The following WNK4 variants were observed in gnomAD, a reference collection of about 807,000 sequenced individuals.
WNK4 encodes WNK lysine deficient protein kinase 4, also known as serine/threonine-protein kinase WNK4.
WNK4 carries 94 observed loss-of-function variants against 116.2 expected under a neutral mutation model. The observed-to-expected ratio is 0.81, with a 90% CI of 0.68 to 0.96. The LOEUF (loss-of-function observed/expected upper bound fraction) is 0.96, where lower values mean the gene tolerates loss of function less well. Among genes scored for constraint, WNK4 ranks in the 40% least tolerant of loss-of-function variants. The pLI is 0.00. For synonymous variants in WNK4, 655 were observed against 672.7 expected, an observed-to-expected ratio of 0.97 and a Z score of 0.41; for missense variants, 1,542 against 1,650.6, an observed-to-expected ratio of 0.93 and a Z score of 1.14.
intron 11 of WNK4, among the ~76,000 whole-genome samples, chr17:42,790,332 TGTAGGCCACCAAAGGAGAGTAGGAGA>T (rs1009234097): frequency 2.6e-5 from 4 of 152,124 alleles, no homozygotes; most frequent in Admixed American, 6.5e-5. Context: ...AAGGACAACT[TGTAGGCCACCAAAGGAGAGTAGGAGA>T]GTAGGCCACC....
In WNK4 at chr17:42,793,717, C is replaced by A; in HGVS notation, c.2283C>A (p.Thr761=). The change falls in exon 12 of 19, where the codon ACC becomes ACA. Residue 761 remains threonine (T), a synonymous_variant. Transcript: ENST00000246914. ...GCCCCATGGAGGCTGCTGAAGACAC[C>A]CTAAGCCCCCAGGTCAGACCCCTTG... ...DTGPMEAAED[T]LSPQEEPAPL... The A allele has an allele frequency of 6.2e-7, 1 of 1,614,080 alleles. No individual in the cohort carries two copies. The highest frequency in any genetic ancestry group is 8.5e-7 in the Non-Finnish European group (1 of 1,179,964).
In WNK4 at chr17:42,795,451, C is replaced by A. The variant is rs369213864; in HGVS notation, c.2962-10C>A. 1 of 1,614,194 alleles carries A rather than the reference C, an allele frequency of 6.2e-7. No individual in the cohort carries two copies. The highest frequency in any genetic ancestry group is 8.5e-7 in the Non-Finnish European group (1 of 1,180,038). On this transcript the variant is annotated splice_polypyrimidine_tract_variant and intron_variant, in intron 14 of 18. Coordinates refer to ENST00000246914, the MANE Select transcript of WNK4 (RefSeq NM_032387.5). ...GCACTCTTCCCTTCTCATGGCCCCC[C>A]ACTTTCTAGGCCTCACCACCTCCTG... is the stretch of plus-strand genomic sequence containing the variant.
At position 42,796,036 on chromosome 17, in the gene WNK4, G is replaced by A. The variant is rs2054666525; in HGVS notation, c.3431+3G>A. The A allele has an allele frequency of 1.2e-6, 2 of 1,614,010 alleles. No individual in the cohort carries two copies. Among genetic ancestry groups the A allele is most frequent in the Non-Finnish European group, 1.7e-6 (2 of 1,180,050 alleles). On this transcript the variant is annotated splice_donor_region_variant and intron_variant, in intron 16 of 18. Transcript: ENST00000246914. ...GAGCTGCAGAGTCTTCGGCAGAAGT[G>A]AGTCTCGGGAGGATGGAGGAGTGAG...
rs758458870 is a variant in WNK4 at position 42,795,902 on chromosome 17, C to T, written c.3300C>T (p.Pro1100=). 1.1e-5 allele frequency: 17 copies of T among 1,611,554 alleles called. No homozygotes were observed. The Admixed American group carries it at 2.7e-4, about 25-fold the overall frequency. ...AGGAACCCCAAGTTGGGGGCAGCCC[C>T]CAACCCCTGAGCCATCCCAGCCCAG... is the stretch of plus-strand genomic sequence containing the variant. ...DGKEPQVGGS[P]QPLSHPSPVW... is the part of the protein sequence containing the mutation. The change falls in exon 16 of 19, where the codon CCC becomes CCT. Residue 1100 remains proline, a synonymous_variant. Transcript: ENST00000246914.
chr17:42,788,658 C>T, intron 10 of WNK4, 23 bp from the exon 11 acceptor site: 3 of 1,589,942 alleles, frequency 1.9e-6, no homozygotes, highest in South Asian at 1.1e-5. Context: ...ACCTTCTCCC[C>T]TCTGCTGACT....
chr17:42,793,632 T>C lies in WNK4; in HGVS notation c.2198T>C (p.Phe733Ser), dbSNP rs1360652789. Residue 733 changes from phenylalanine to serine, a missense_variant, in exon 12 of 19, where the codon TTT becomes TCT. By Grantham distance (155) the Phe-to-Ser change is radical. Coordinates refer to ENST00000246914, the MANE Select transcript of WNK4 (RefSeq NM_032387.5). Reference sequence around the variant, plus strand: ...ATTCTGCCTTCGGAGCGAGATGGATTTCTCAGACGGATTCGGGAGATTATC... The same window carrying C: ...ATTCTGCCTTCGGAGCGAGATGGATCTCTCAGACGGATTCGGGAGATTATC... ...EFILPSERDG[F>S]LRRIREIIQR... 1.9e-6 allele frequency: 3 copies of C among 1,614,070 alleles called. No homozygotes were observed. The highest frequency in any genetic ancestry group is 2.5e-6 in the Non-Finnish European group (3 of 1,179,986).
chr17:42,783,023 C>A lies in WNK4; in HGVS notation c.791+93C>A. 4.0e-6 allele frequency: 6 copies of A among 1,510,402 alleles called. No individual in the cohort carries two copies. The South Asian group carries it at 6.0e-5, about 15-fold the overall frequency. 93.6% of individuals were successfully genotyped at this position (1,510,402 alleles called of 1,614,324 possible). A position where few individuals can be genotyped will look rare whatever the true frequency, so the allele number is the denominator to read the frequency against. On this transcript the variant is annotated intron_variant, in intron 2 of 18. Transcript: ENST00000246914. ...CCAGGCTCCTCAAACTCTCTAATATCCAGGTGTAAAACCAGGTTCACCATC... is the reference window on the plus strand; with the variant it reads ...CCAGGCTCCTCAAACTCTCTAATATACAGGTGTAAAACCAGGTTCACCATC...
chr17:42,790,344 AAGGAG>A (rs906425115), intron 11 of WNK4, among the ~76,000 whole-genome samples: 17 of 152,256 alleles, frequency 1.1e-4, no homozygotes, highest in African/African-American at 4.1e-4. Flanking sequence ...TAGGCCACCA[AAGGAG>A]AGTAGGAGAG....
In WNK4 at chr17:42,784,460, A is replaced by G. The variant is rs375379956; in HGVS notation, c.1051A>G (p.Lys351Glu). 6.2e-7 allele frequency: 1 copy of G among 1,613,746 alleles called. No individual in the cohort carries two copies. Among genetic ancestry groups the G allele is most frequent in the Admixed American group, 1.7e-5 (1 of 59,980 alleles). ...CATGGCCCCCGAGATGTACGAGGAA[A>G]AGTACGATGAGGCCGTGGACGTGTA... ...EFMAPEMYEE[K>E]YDEAVDVYAF... Residue 351 changes from lysine to glutamate, a missense_variant, in exon 4 of 19, where the codon AAG becomes GAG. Physicochemically the swap from Lys to Glu is moderately conservative, Grantham distance 56. This residue lies in a region of WNK4 where 808 missense variants were observed against 873.6 expected (regional missense o/e 0.92). Coordinates refer to ENST00000246914, the MANE Select transcript of WNK4 (RefSeq NM_032387.5). This position sits in a 1 kb window ranked among gnomAD's most constrained non-coding sequence, Gnocchi z 4.4.
At chr17:42,793,856 C>CTT (rs34930579) in intron 12 of WNK4, 127 bp downstream of exon 12, 4,943 of 940,856 alleles carry the variant, frequency 5.3e-3, no homozygotes, top group Non-Finnish European at 6.4e-3. Context: ...AACAGTGGCG[C>CTT]TTTTTTTTTT....
At chr17:42,794,748 G>T (rs2054643925) in intron 13 of WNK4, 24 bp from the exon 14 acceptor site, 1 of 1,613,768 alleles carries the variant, frequency 6.2e-7, no homozygotes, top group Non-Finnish European at 8.5e-7. Flanking sequence ...TGGGACTGTG[G>T]TCTCAACATA....
intron 17 of WNK4, 35 bp downstream of exon 17, chr17:42,796,357 C>G (rs2054672644): frequency 6.2e-7 from 1 of 1,609,356 alleles, no homozygotes; most frequent in Non-Finnish European, 8.5e-7. Flanking sequence ...CATCTTTTCC[C>G]TGAGACCCCT....
chr17:42,787,925 C>T, intron 8 of WNK4, 26 bp downstream of exon 8: 4 of 1,608,026 alleles, frequency 2.5e-6, no homozygotes, highest in Non-Finnish European at 3.4e-6. Context: ...ATGGGGGGCT[C>T]CCAGCCATTC....
chr17:42,794,359 C>T (rs951676070), intron 12 of WNK4: 19 of 557,140 alleles, frequency 3.4e-5, no homozygotes, highest in Non-Finnish European at 5.5e-5. Context: ...GCCACCTTAG[C>T]GTCATCATTG....
rs1348673515 is a variant in WNK4, at chr17:42,791,959, A to AT, written c.2158-1633_2158-1632insT. Among the ~76,000 whole-genome samples, 35 of 148,366 alleles carry AT rather than the reference A, an allele frequency of 2.4e-4. No homozygotes were observed. In the South Asian group the frequency reaches 2.7e-3, roughly 12 times the overall value. On this transcript the variant is annotated intron_variant, in intron 11 of 18. Coordinates refer to ENST00000246914, the MANE Select transcript of WNK4 (RefSeq NM_032387.5). ...AGCAAGGCTCAGTCTCAAAAAAAAA[A>AT]AAAAATAATAATGTACCATGCCTTT...
Position 42,780,762 on chromosome 17 carries a change from C to A in WNK4, c.64C>A (p.Leu22Met), listed in dbSNP as rs752591503. 3.1e-6 allele frequency: 5 copies of A among 1,607,600 alleles called. No individual in the cohort carries two copies. The highest frequency in any genetic ancestry group is 4.2e-6 in the Non-Finnish European group (5 of 1,179,406). ...LMSQTEADLA[L>M]RPPPPLGTAG... ...GTCCCAGACTGAGGCCGACCTGGCCCTGCGGCCCCCGCCTCCTCTTGGCAC... is the reference window on the plus strand; with the variant it reads ...GTCCCAGACTGAGGCCGACCTGGCCATGCGGCCCCCGCCTCCTCTTGGCAC... The change falls in exon 1 of 19, where the codon CTG becomes ATG. Residue 22 changes from leucine to methionine, a missense_variant. Around this residue, in one of 7 missense-constraint regions of WNK4, gnomAD observed 243 missense variants for 217.8 expected, o/e 1.12. Coordinates refer to ENST00000246914, the MANE Select transcript of WNK4 (RefSeq NM_032387.5).
In WNK4 at chr17:42,796,210, G is replaced by A. The variant is rs367834726; in HGVS notation, c.3519G>A (p.Pro1173=). 24 of 1,613,738 alleles carry A rather than the reference G, an allele frequency of 1.5e-5. No individual in the cohort carries two copies. Among genetic ancestry groups the A allele is most frequent in the African/African-American group, 1.5e-4 (11 of 74,910 alleles). The change falls in exon 17 of 19, where the codon CCG becomes CCA. Residue 1173 remains proline (P), a synonymous_variant. Coordinates refer to ENST00000246914, the MANE Select transcript of WNK4 (RefSeq NM_032387.5). ...GCCGGCTGGGGAAGCAGCCCCCACC[G>A]GGTATTGTGGCCCCAGCTGCTATGC... ...LYSRLGKQPP[P]GIVAPAAMLS... is the part of the protein sequence containing the mutation.
In WNK4 at chr17:42,795,196, T is replaced by C. The variant is rs760887511; in HGVS notation, c.2775T>C (p.Ser925=). The C allele has an allele frequency of 3.3e-5, 53 of 1,613,808 alleles. No individual in the cohort carries two copies. Among genetic ancestry groups the C allele is most frequent in the Non-Finnish European group, 4.3e-5 (51 of 1,179,966 alleles). Residue 925 remains serine (S), a synonymous_variant, in exon 14 of 19, where the codon TCT becomes TCC. Transcript: ENST00000246914. The stretch of plus-strand genomic sequence containing the variant: ...CCACCACAGCAGCCCCTCTCCTTTC[T>C]CTGGCTAGTGCCTTCTCACTGGCTG... ...FPSTTAAPLL[S]LASAFSLAVM... is the part of the protein sequence containing the mutation.
At chr17:42,788,940 A>G in intron 11 of WNK4, 143 bp downstream of exon 11, 1 of 739,160 alleles carries the variant, frequency 1.4e-6, no homozygotes, top group Non-Finnish European at 2.4e-6. Context: ...AACGCTGAAG[A>G]TGTCTCAGCC....
Sources: gnomAD v4.1 joint callset for allele counts (sites outside exome capture counted in the v4.1 genomes callset) on GRCh38, gnomAD v4.1.1 for gene constraint, gnomAD v4.1.1 regional missense constraint, Gnocchi (gnomAD v3.1) non-coding constraint, MANE v1.5 for transcripts, NCBI Gene and HGNC (gene_info 2026-07-23, HGNC 2026-07-21) for gene names.